ZNRF3: variants seen among roughly 807,000 people sequenced by gnomAD.
ZNRF3 encodes the protein E3 ubiquitin-protein ligase ZNRF3.
Under a neutral mutation model 72.5 loss-of-function variants are expected in ZNRF3, and 23 were observed. That is an observed-to-expected ratio of 0.32 (90% CI 0.23 to 0.45). The LOEUF (loss-of-function observed/expected upper bound fraction) is 0.45. ZNRF3 is among the 20% of genes least tolerant of loss of function. The pLI is 1.00. For synonymous variants in ZNRF3, 610 were observed against 545.3 expected (o/e 1.12, Z -1.65); for missense variants, 1,169 against 1,272.1 (o/e 0.92, Z 1.23).
intron 2 of ZNRF3, among the ~76,000 whole-genome samples, chr22:28,995,464 C>CTTCACTAAGAAATTCACTAAATATTAATA (rs2036031007): frequency 6.6e-6 from 1 of 152,208 alleles, no homozygotes; most frequent in African/African-American, 2.4e-5. Flanking sequence ...GTTTGAATTT[C>CTTCACTAAGAAATTCACTAAATATTAATA]TTCACTAAAT....
At chr22:28,994,344 G>A (rs527900357) in intron 2 of ZNRF3, among the ~76,000 whole-genome samples, 1 of 151,186 alleles carries the variant, frequency 6.6e-6, no homozygotes, top group Non-Finnish European at 1.5e-5. Context: ...GCACCACCAC[G>A]CCTGGATAAT....
chr22:28,925,334 C>T (rs1411837589), intron 1 of ZNRF3, among the ~76,000 whole-genome samples: 4 of 152,196 alleles, frequency 2.6e-5, no homozygotes, highest in Non-Finnish European at 2.9e-5. Context: ...CCAGATTTCT[C>T]TTCTCTCCAC....
intron 1 of ZNRF3, among the ~76,000 whole-genome samples, chr22:28,912,298 G>A (rs1482643871): frequency 6.6e-6 from 1 of 152,216 alleles, no homozygotes; most frequent in Non-Finnish European, 1.5e-5. Flanking sequence ...AGTCCAGGCA[G>A]AATTTTCTTT....
intron 1 of ZNRF3, among the ~76,000 whole-genome samples, chr22:28,888,955 T>A (rs2123742080): frequency 6.6e-6 from 1 of 151,710 alleles, no homozygotes; most frequent in Middle Eastern, 3.4e-3. Flanking sequence ...ACAAAAAAAA[T>A]ACAAAAAAAA....
chr22:28,920,799 GA>G (rs1403930198), intron 1 of ZNRF3, among the ~76,000 whole-genome samples: 1 of 152,240 alleles, frequency 6.6e-6, no homozygotes, highest in East Asian at 1.9e-4. Flanking sequence ...GTACCCCTTG[GA>G]ATCCTTAGCT....
At chr22:29,023,289 T>C (rs890200622) in intron 2 of ZNRF3, among the ~76,000 whole-genome samples, 1 of 152,198 alleles carries the variant, frequency 6.6e-6, no homozygotes, top group African/African-American at 2.4e-5. Flanking sequence ...AGGAAGCAGT[T>C]GGCTCTGATG....
At chr22:29,051,705 G>A (rs150065299) in intron 8 of ZNRF3, among the ~76,000 whole-genome samples, 2,398 of 151,280 alleles carry the variant, frequency 0.016, 61 homozygotes, top group African/African-American at 0.054. Context: ...TCAGGAGTTC[G>A]AGACCAGCTT....
chr22:28,931,563 A>G (rs2034707289), intron 1 of ZNRF3, among the ~76,000 whole-genome samples: 1 of 152,220 alleles, frequency 6.6e-6, no homozygotes, highest in Non-Finnish European at 1.5e-5. Context: ...TTAGACCGGC[A>G]TTACTGTCTT....
At chr22:29,038,634 A>G (rs2036905900) in intron 2 of ZNRF3, among the ~76,000 whole-genome samples, 1 of 151,914 alleles carries the variant, frequency 6.6e-6, no homozygotes, top group Admixed American at 6.6e-5. Context: ...CCTGGCCTGT[A>G]TTTTTTTAAT....
intron 2 of ZNRF3, among the ~76,000 whole-genome samples, chr22:28,987,580 A>G (rs185196496): frequency 7.5e-4 from 115 of 152,326 alleles, no homozygotes; most frequent in Non-Finnish European, 1.4e-3. Flanking sequence ...GGGTTTAGAA[A>G]GGCATTAAGG....
At chr22:28,942,883 A>G (rs1373330254) in intron 1 of ZNRF3, among the ~76,000 whole-genome samples, 2 of 152,070 alleles carry the variant, frequency 1.3e-5, no homozygotes, top group African/African-American at 4.8e-5. Context: ...TTTTGGACTA[A>G]GGATTTAGAG....
intron 2 of ZNRF3, among the ~76,000 whole-genome samples, chr22:28,998,318 G>C (rs1420893596): frequency 1.3e-5 from 2 of 151,926 alleles, no homozygotes; most frequent in Non-Finnish European, 2.9e-5. Flanking sequence ...AGTATGTAAA[G>C]TTCTTGGAAT....
intron 2 of ZNRF3, among the ~76,000 whole-genome samples, chr22:28,989,344 T>C (rs953816545): frequency 6.6e-6 from 1 of 152,124 alleles, no homozygotes; most frequent in South Asian, 2.1e-4. Flanking sequence ...TGAGTCAAGA[T>C]CTCTCTCTCT....
Position 28,995,427 on chromosome 22 carries a change from C to CA in ZNRF3, c.426+8236dup, listed in dbSNP as rs943201113. 1.5e-3 allele frequency among the ~76,000 whole-genome samples: 218 copies of CA among 146,108 alleles called. 1 individual carries two copies. The highest frequency in any genetic ancestry group is 4.8e-3 in the African/African-American group (191 of 39,864). ...TGGGCGACAGAGCGAGAATCCATCT[C>CA]AAAAAAAAAAGAAGAAATCCAAAGA... On this transcript the variant is annotated intron_variant, in intron 2 of 8. Transcript: ENST00000544604.
At chr22:28,922,899 G>A (rs2034535143) in intron 1 of ZNRF3, among the ~76,000 whole-genome samples, 2 of 152,118 alleles carry the variant, frequency 1.3e-5, no homozygotes, top group African/African-American at 2.4e-5. Flanking sequence ...GAGGTGTAAA[G>A]ACACAGGGCC....
At chr22:29,051,544 C>T (rs1484146938) in intron 8 of ZNRF3, among the ~76,000 whole-genome samples, 1 of 148,474 alleles carries the variant, frequency 6.7e-6, no homozygotes, top group Non-Finnish European at 1.5e-5. Context: ...GCAGAGGTTG[C>T]AGTGAGCCAA....
At chr22:28,885,590 TAAAAAA>T (rs34201242) in intron 1 of ZNRF3, among the ~76,000 whole-genome samples, 1 of 102,742 alleles carries the variant, frequency 9.7e-6, no homozygotes, top group Non-Finnish European at 2.0e-5. Context: ...TACAGCCTTC[TAAAAAA>T]AAAAAAAAAA....
At chr22:28,924,836 C>T (rs182238230) in intron 1 of ZNRF3, among the ~76,000 whole-genome samples, 71 of 152,148 alleles carry the variant, frequency 4.7e-4, no homozygotes, top group Non-Finnish European at 9.4e-4. Context: ...CTGTCCCTTC[C>T]CTAGAGTATG....
chr22:28,975,507 CA>C (rs71316877), intron 1 of ZNRF3, among the ~76,000 whole-genome samples: 73 of 47,886 alleles, frequency 1.5e-3, no homozygotes, highest in South Asian at 0.013. Flanking sequence ...TACTCTGTCT[CA>C]AAAAAAAAAA....
Sources: allele counts gnomAD v4.1 joint callset (sites outside exome capture counted in the v4.1 genomes callset), GRCh38; gene constraint gnomAD v4.1.1; transcripts MANE v1.5; gene names NCBI Gene and HGNC (gene_info 2026-07-23, HGNC 2026-07-21).